Variants in SLMAP observed in about 807,000 individuals in gnomAD.
SLMAP encodes the protein sarcolemmal membrane-associated protein.
SLMAP carries 44 observed loss-of-function variants against 128.8 expected under a neutral mutation model. The ratio of observed to expected loss-of-function variants is 0.34; its 90% CI spans 0.27 to 0.44. The LOEUF (loss-of-function observed/expected upper bound fraction) is 0.44, where lower values mean the gene tolerates loss of function less well. SLMAP is among the 20% of genes least tolerant of loss of function. The pLI is 1.00. For synonymous variants in SLMAP, 327 were observed against 348.8 expected, an observed-to-expected ratio of 0.94 and a Z score of 0.70; for missense variants, 787 against 985.3, an observed-to-expected ratio of 0.80 and a Z score of 2.69.
chr3:57,903,611 G>A (rs1470651222), intron 17 of SLMAP, among the ~76,000 whole-genome samples: 1 of 152,162 alleles, frequency 6.6e-6, no homozygotes, highest in African/African-American at 2.4e-5. Context: ...ATATTATGTA[G>A]GTAAGTATTC....
intron 2 of SLMAP, among the ~76,000 whole-genome samples, chr3:57,795,543 A>G (rs944058970): frequency 6.6e-6 from 1 of 152,198 alleles, no homozygotes; most frequent in Admixed American, 6.5e-5. Flanking sequence ...CGTCTCAGAA[A>G]AAGAAAAAAA....
intron 2 of SLMAP, among the ~76,000 whole-genome samples, chr3:57,766,457 G>A (rs1416630620): frequency 6.6e-6 from 1 of 152,088 alleles, no homozygotes; most frequent in Non-Finnish European, 1.5e-5. Context: ...TTACTTCATA[G>A]TTACTTGAAT....
chr3:57,759,930 T>C (rs2078281610), intron 2 of SLMAP, among the ~76,000 whole-genome samples: 1 of 152,166 alleles, frequency 6.6e-6, no homozygotes, highest in African/African-American at 2.4e-5. Flanking sequence ...TGAATTGAGA[T>C]GACATGTTAA....
At chr3:57,786,642 C>T (rs970544656) in intron 2 of SLMAP, among the ~76,000 whole-genome samples, 28 of 151,262 alleles carry the variant, frequency 1.9e-4, no homozygotes, top group Middle Eastern at 3.4e-3. Flanking sequence ...CTACAACCTC[C>T]GCCTCCCAGG....
At chr3:57,762,283 T>G (rs1169205794) in intron 2 of SLMAP, among the ~76,000 whole-genome samples, 2 of 149,908 alleles carry the variant, frequency 1.3e-5, no homozygotes, top group African/African-American at 4.9e-5. Flanking sequence ...GCAGGAGAAT[T>G]GCTTGAACCC....
intron 14 of SLMAP, among the ~76,000 whole-genome samples, chr3:57,888,599 G>A (rs2095972591): frequency 6.6e-6 from 1 of 151,342 alleles, no homozygotes; most frequent in Non-Finnish European, 1.5e-5. Flanking sequence ...CCTGGTGACA[G>A]AGTGAGACTG....
intron 14 of SLMAP, among the ~76,000 whole-genome samples, chr3:57,879,362 C>G (rs940677977): frequency 2.6e-5 from 4 of 152,208 alleles, no homozygotes; most frequent in Non-Finnish European, 4.4e-5. Context: ...ATTATACTCT[C>G]AGTTCTACTC....
chr3:57,831,119 A>T (rs2093311505), intron 2 of SLMAP, among the ~76,000 whole-genome samples: 1 of 152,142 alleles, frequency 6.6e-6, no homozygotes, highest in Non-Finnish European at 1.5e-5. Flanking sequence ...TACTAACTTT[A>T]TGTTTAACAT....
intron 3 of SLMAP, among the ~76,000 whole-genome samples, chr3:57,834,405 A>C (rs2093517678): frequency 6.6e-6 from 1 of 152,136 alleles, no homozygotes; most frequent in African/African-American, 2.4e-5. Flanking sequence ...GAGAAATGAG[A>C]AAGGAGAAAT....
chr3:57,821,368 T>G (rs1272090657), intron 2 of SLMAP, among the ~76,000 whole-genome samples: 6 of 152,188 alleles, frequency 3.9e-5, no homozygotes, highest in Non-Finnish European at 8.8e-5. Flanking sequence ...GGTAATATAT[T>G]GGCAAGTTTC....
At chr3:57,844,019 A>G (rs2094117330) in intron 4 of SLMAP, among the ~76,000 whole-genome samples, 1 of 150,854 alleles carries the variant, frequency 6.6e-6, no homozygotes. Context: ...ACCTCAGGTG[A>G]TCTGCTCCCC....
chr3:57,893,748 C>A (rs1395017914), intron 15 of SLMAP, among the ~76,000 whole-genome samples: 2 of 152,124 alleles, frequency 1.3e-5, no homozygotes, highest in Non-Finnish European at 2.9e-5. Context: ...GTATTAGCCT[C>A]TTTTATTTGA....
intron 3 of SLMAP, among the ~76,000 whole-genome samples, chr3:57,837,210 C>T (rs2093679803): frequency 6.6e-6 from 1 of 152,190 alleles, no homozygotes; most frequent in East Asian, 1.9e-4. Context: ...GTACCCTGTA[C>T]TCATCCCTTT....
At chr3:57,857,259 T>A (rs887832565) in intron 6 of SLMAP, among the ~76,000 whole-genome samples, 4 of 152,178 alleles carry the variant, frequency 2.6e-5, no homozygotes, top group Admixed American at 6.5e-5. Context: ...GTGGCCCATA[T>A]ACATGGAGTA....
Position 57,858,068 on chromosome 3 carries a change from A to C in SLMAP, c.616-20A>C. On this transcript the variant is annotated intron_variant, in intron 7 of 24. Transcript: ENST00000671191. Reference sequence around the variant, plus strand: ...TTATAATTACTCGGGTTTTACTTACATTTAATTTTTCTTCAATAGGCTTTA... The same window carrying C: ...TTATAATTACTCGGGTTTTACTTACCTTTAATTTTTCTTCAATAGGCTTTA... The C allele has an allele frequency of 6.9e-7, 1 of 1,449,658 alleles. No individual in the cohort carries two copies. Among genetic ancestry groups the C allele is most frequent in the African/African-American group, 1.4e-5 (1 of 71,662 alleles). The allele number at this position is 1,449,658 out of a possible 1,614,324, so 89.8% of individuals were successfully genotyped here.
intron 13 of SLMAP, among the ~76,000 whole-genome samples, chr3:57,865,769 C>A (rs2095283379): frequency 2.6e-5 from 4 of 152,116 alleles, no homozygotes. Flanking sequence ...TCAGAAAAAT[C>A]TTTTATTAGT....
At chr3:57,849,877 T>A (rs2153578908) in intron 6 of SLMAP, 61 bp downstream of exon 6, 1 of 992,856 alleles carries the variant, frequency 1.0e-6, no homozygotes, top group Non-Finnish European at 1.6e-6. Flanking sequence ...TAAAAGTTCT[T>A]AAAAGCAGAA....
intron 8 of SLMAP, among the ~76,000 whole-genome samples, chr3:57,859,620 T>C (rs540338901): frequency 5.1e-4 from 78 of 152,164 alleles, no homozygotes; most frequent in African/African-American, 1.9e-3. Context: ...AAAAACCAAA[T>C]ACCACATGTT....
chr3:57,838,727 C>T (rs1300472897), intron 3 of SLMAP, among the ~76,000 whole-genome samples: 1 of 151,972 alleles, frequency 6.6e-6, no homozygotes, highest in Admixed American at 6.6e-5. Context: ...GTCATGCAGG[C>T]GAGAGGATAA....
Sources: gnomAD v4.1 joint callset for allele counts (sites outside exome capture counted in the v4.1 genomes callset) on GRCh38, gnomAD v4.1.1 for gene constraint, MANE v1.5 for transcripts, NCBI Gene and HGNC (gene_info 2026-07-23, HGNC 2026-07-21) for gene names.